The following KIRREL3 variants were observed in gnomAD, a reference collection of about 807,000 sequenced individuals.
KIRREL3 encodes the protein kirre like nephrin family adhesion molecule 3, also known as kin of IRRE-like protein 3.
KIRREL3 carries 36 observed loss-of-function variants against 89.7 expected under a neutral mutation model. The ratio of observed to expected loss-of-function variants is 0.40; its 90% confidence interval spans 0.31 to 0.53. The LOEUF (loss-of-function observed/expected upper bound fraction) is 0.53. Ranked by LOEUF, KIRREL3 falls within the 20% of genes least tolerant of loss-of-function variation. KIRREL3 has a pLI of 0.49. For missense variants in KIRREL3, 864 were observed against 1,056.6 expected (o/e 0.82, Z 2.53); for synonymous variants, 445 against 441.4 (o/e 1.01, Z -0.10).
chr11:126,745,382 G>GA (rs929723433), intron 1 of KIRREL3, among the ~76,000 whole-genome samples: 14 of 145,898 alleles, frequency 9.6e-5, no homozygotes, highest in Non-Finnish European at 1.5e-4. Flanking sequence ...TTCAACATCT[G>GA]AAAAAAAAAG....
intron 4 of KIRREL3, among the ~76,000 whole-genome samples, chr11:126,505,368 G>A (rs1232586636): frequency 1.3e-5 from 2 of 152,144 alleles, no homozygotes; most frequent in African/African-American, 2.4e-5. Context: ...CCAGGAGTTC[G>A]AGACCAGCCT....
Position 126,577,728 on chromosome 11 carries a change from C to T in KIRREL3, c.56-14816G>A, listed in dbSNP as rs1404770091. 5.3e-5 allele frequency among the ~76,000 whole-genome samples: 8 copies of T among 151,630 alleles called. No individual in the cohort carries two copies. In the East Asian group the frequency reaches 1.4e-3, roughly 26 times the overall value. On this transcript the variant is annotated intron_variant, in intron 1 of 16. Coordinates refer to ENST00000525144, the MANE Select transcript of KIRREL3 (RefSeq NM_032531.4). ...AGTGAGCTGAGATTGTGCCACTGCA[C>T]TCCAGCCTAGGCAACAGAGTAAGAC...
Position 127,000,122 on chromosome 11 carries a change from G to T in KIRREL3, c.55+333C>A, listed in dbSNP as rs1950279983. On this transcript the variant is annotated intron_variant, in intron 1 of 16. Coordinates refer to ENST00000525144, the MANE Select transcript of KIRREL3 (RefSeq NM_032531.4). The surrounding 1 kb of genome is among the most constrained non-coding windows in gnomAD (Gnocchi z 7.1). Reference sequence around the variant, plus strand: ...AGGAGAGGAGGTGCCCAGAAGTTCAGAGCGGCATAACCACAGAGATACTAC... The same window carrying T: ...AGGAGAGGAGGTGCCCAGAAGTTCATAGCGGCATAACCACAGAGATACTAC... Among the ~76,000 whole-genome samples, 1 of 152,104 alleles carries T rather than the reference G, an allele frequency of 6.6e-6. No individual in the cohort carries two copies. The highest frequency in any genetic ancestry group is 1.5e-5 in the Non-Finnish European group (1 of 68,036).
rs1156684995 is a variant in KIRREL3, at chr11:126,558,183, C to A, written c.133+4652G>T. On this transcript the variant is annotated intron_variant, in intron 2 of 16. Coordinates refer to ENST00000525144, the MANE Select transcript of KIRREL3 (RefSeq NM_032531.4). The surrounding 1 kb of genome is among the most constrained non-coding windows in gnomAD (Gnocchi z 4.0). ...ATGGCTGAAGGGGAGGTCAAAACTT[C>A]GGTGCCTCTGCTTCTTCCCTCCTTT... Among the ~76,000 whole-genome samples the A allele has an allele frequency of 6.6e-6, 1 of 152,146 alleles. No homozygotes were observed. The highest frequency in any genetic ancestry group is 2.4e-5 in the African/African-American group (1 of 41,424).
intron 1 of KIRREL3, among the ~76,000 whole-genome samples, chr11:126,660,782 A>T (rs1055280230): frequency 5.3e-5 from 8 of 152,226 alleles, no homozygotes; most frequent in African/African-American, 1.9e-4. Flanking sequence ...AGGCTTGGTT[A>T]GTAAAGGATG....
chr11:126,750,057 G>A lies in KIRREL3; in HGVS notation c.56-187145C>T, dbSNP rs180734661. On this transcript the variant is annotated intron_variant, in intron 1 of 16. Transcript: ENST00000525144. The surrounding 1 kb of genome is among the most constrained non-coding windows in gnomAD (Gnocchi z 4.2). ...AGTTTAGTTTCCTCATCTGTAAAATGCAGGCTGTGCTACTTAAATGGGGGC... is the reference window on the plus strand; with the variant it reads ...AGTTTAGTTTCCTCATCTGTAAAATACAGGCTGTGCTACTTAAATGGGGGC... Among the ~76,000 whole-genome samples the A allele has an allele frequency of 4.7e-4, 72 of 152,316 alleles. No individual in the cohort carries two copies. The highest frequency in any genetic ancestry group is 8.7e-4 in the Non-Finnish European group (59 of 68,026).
Position 126,666,851 on chromosome 11 carries a change from T to G in KIRREL3, c.56-103939A>C, listed in dbSNP as rs1945686157. 6.6e-6 allele frequency among the ~76,000 whole-genome samples: 1 copy of G among 152,208 alleles called. No individual in the cohort carries two copies. The highest frequency in any genetic ancestry group is 1.5e-5 in the Non-Finnish European group (1 of 68,040). ...ATTGCTGGTACAGGTATATTCATTT[T>G]GGGTCTGGGATGGATACAGGTTTGA... On this transcript the variant is annotated intron_variant, in intron 1 of 16. Transcript: ENST00000525144. This position sits in a 1 kb window ranked among gnomAD's most constrained non-coding sequence, Gnocchi z 4.2.
intron 1 of KIRREL3, among the ~76,000 whole-genome samples, chr11:126,767,703 A>G (rs560140099): frequency 6.6e-6 from 1 of 152,260 alleles, no homozygotes; most frequent in East Asian, 1.9e-4. Flanking sequence ...CAGTCAGCGG[A>G]TATCTATTGA....
rs895870126 is a variant in KIRREL3, at chr11:126,486,345, A to G, written c.434-12879T>C. ...AAGGGGTGAGTAGGGCTGGGGCAGG[A>G]AGGCCAGTGTGTGGTGCTGGGTGGC... On this transcript the variant is annotated intron_variant, in intron 4 of 16. Transcript: ENST00000525144. This position sits in a 1 kb window ranked among gnomAD's most constrained non-coding sequence, Gnocchi z 6.2. Among the ~76,000 whole-genome samples, 8 of 152,088 alleles carry G rather than the reference A, an allele frequency of 5.3e-5. No homozygotes were observed. The highest frequency in any genetic ancestry group is 1.7e-4 in the African/African-American group (7 of 41,406).
Position 126,564,326 on chromosome 11 carries a change from A to T in KIRREL3, c.56-1414T>A, listed in dbSNP as rs1429363236. 6.6e-6 allele frequency among the ~76,000 whole-genome samples: 1 copy of T among 152,206 alleles called. No individual in the cohort carries two copies. The highest frequency in any genetic ancestry group is 1.5e-5 in the Non-Finnish European group (1 of 68,034). ...AGGTCCACCCACCAAGCATAGCAGG[A>T]TGAAAGAGAGTGCAGGGCCCATGAG... On this transcript the variant is annotated intron_variant, in intron 1 of 16. Transcript: ENST00000525144. This position sits in a 1 kb window ranked among gnomAD's most constrained non-coding sequence, Gnocchi z 7.4.
In KIRREL3 at chr11:126,666,078, T is replaced by G. The variant is rs1945650780; in HGVS notation, c.56-103166A>C. On this transcript the variant is annotated intron_variant, in intron 1 of 16. Transcript: ENST00000525144. The surrounding 1 kb of genome is among the most constrained non-coding windows in gnomAD (Gnocchi z 4.2). ...TGAAGGCGCTCCTCGGAGATTCTGA[T>G]TTGCATCCATGGTTCAGAACCACTT... 6.6e-6 allele frequency among the ~76,000 whole-genome samples: 1 copy of G among 152,226 alleles called. No homozygotes were observed. The highest frequency in any genetic ancestry group is 2.4e-5 in the African/African-American group (1 of 41,462).
chr11:126,876,618 A>T lies in KIRREL3; in HGVS notation c.55+123837T>A, dbSNP rs1592265494. Among the ~76,000 whole-genome samples, 6 of 150,656 alleles carry T rather than the reference A, an allele frequency of 4.0e-5. No individual in the cohort carries two copies. Among genetic ancestry groups the T allele is most frequent in the Admixed American group, 4.0e-4 (6 of 15,072 alleles). The stretch of plus-strand genomic sequence containing the variant: ...AGCGGTGCGACCTTGGCCCACTGCA[A>T]CCTCCACCTCCAGGGTTCAAGCAAT... On this transcript the variant is annotated intron_variant, in intron 1 of 16. Coordinates refer to ENST00000525144, the MANE Select transcript of KIRREL3 (RefSeq NM_032531.4). This position sits in a 1 kb window ranked among gnomAD's most constrained non-coding sequence, Gnocchi z 4.1.
intron 1 of KIRREL3, among the ~76,000 whole-genome samples, chr11:126,829,143 G>A (rs774389125): frequency 6.6e-6 from 1 of 152,178 alleles, no homozygotes; most frequent in Non-Finnish European, 1.5e-5. Flanking sequence ...GCTGGCGAAG[G>A]CTCCAAGGTG....
chr11:126,746,654 C>T (rs2134234514), intron 1 of KIRREL3, among the ~76,000 whole-genome samples: 1 of 152,308 alleles, frequency 6.6e-6, no homozygotes, highest in East Asian at 1.9e-4. Flanking sequence ...CTCACCTAAC[C>T]ACACCCTGAT....
In KIRREL3 at chr11:126,484,075, C is replaced by A. The variant is rs1288225820; in HGVS notation, c.434-10609G>T. On this transcript the variant is annotated intron_variant, in intron 4 of 16. Transcript: ENST00000525144. This position sits in a 1 kb window ranked among gnomAD's most constrained non-coding sequence, Gnocchi z 5.2. Reference sequence around the variant, plus strand: ...CTTGAGGGCTGGTCCTTGCCAAATTCTCTCTCTAGTACTTAGTACAGTGCC... The same window carrying A: ...CTTGAGGGCTGGTCCTTGCCAAATTATCTCTCTAGTACTTAGTACAGTGCC... 6.6e-6 allele frequency among the ~76,000 whole-genome samples: 1 copy of A among 152,186 alleles called. No individual in the cohort carries two copies. Among genetic ancestry groups the A allele is most frequent in the African/African-American group, 2.4e-5 (1 of 41,442 alleles).
Position 126,924,638 on chromosome 11 carries a change from G to A in KIRREL3, c.55+75817C>T, listed in dbSNP as rs1219681035. ...AAAGGCAGGGCTGTTGGGGGATTTG[G>A]AAGAAGTGTTAAAGAAAAAGGAGCA... On this transcript the variant is annotated intron_variant, in intron 1 of 16. Coordinates refer to ENST00000525144, the MANE Select transcript of KIRREL3 (RefSeq NM_032531.4). The surrounding 1 kb of genome is among the most constrained non-coding windows in gnomAD (Gnocchi z 4.7). Among the ~76,000 whole-genome samples the A allele has an allele frequency of 6.6e-6, 1 of 152,090 alleles. No individual in the cohort carries two copies. The highest frequency in any genetic ancestry group is 2.4e-5 in the African/African-American group (1 of 41,424).
In KIRREL3 at chr11:126,764,942, G is replaced by A. The variant is rs1245928526; in HGVS notation, c.56-202030C>T. On this transcript the variant is annotated intron_variant, in intron 1 of 16. Coordinates refer to ENST00000525144, the MANE Select transcript of KIRREL3 (RefSeq NM_032531.4). The surrounding 1 kb of genome is among the most constrained non-coding windows in gnomAD (Gnocchi z 4.2). ...ATATCTCAGCTCTGGTTTTTCAAGT[G>A]CAAGGGTTATTTGCTATATTTTGGA... 6.6e-6 allele frequency among the ~76,000 whole-genome samples: 1 copy of A among 152,146 alleles called. No homozygotes were observed. Among genetic ancestry groups the A allele is most frequent in the Non-Finnish European group, 1.5e-5 (1 of 68,026 alleles).
chr11:126,443,342 C>T lies in KIRREL3; in HGVS notation c.1252+1637G>A, dbSNP rs752987782. On this transcript the variant is annotated intron_variant, in intron 10 of 16. Transcript: ENST00000525144. The surrounding 1 kb of genome is among the most constrained non-coding windows in gnomAD (Gnocchi z 7.3). Reference sequence around the variant, plus strand: ...TTCACTGGGGCCTGGAGCTCTGAGCCGAGTGTCAGACACCTGCGCTGAAAG... The same window carrying T: ...TTCACTGGGGCCTGGAGCTCTGAGCTGAGTGTCAGACACCTGCGCTGAAAG... Among the ~76,000 whole-genome samples, 3 of 152,274 alleles carry T rather than the reference C, an allele frequency of 2.0e-5. No homozygotes were observed. The highest frequency in any genetic ancestry group is 1.9e-4 in the East Asian group (1 of 5,178).
Position 126,892,443 on chromosome 11 carries a change from A to G in KIRREL3, c.55+108012T>C, listed in dbSNP as rs1214189536. On this transcript the variant is annotated intron_variant, in intron 1 of 16. Transcript: ENST00000525144. The surrounding 1 kb of genome is among the most constrained non-coding windows in gnomAD (Gnocchi z 5.4). ...ATATGCTCAGGAGGGGCCCTGGGAGAGGCACAAGTGGCAGCTTTTTTTTCT... is the reference window on the plus strand; with the variant it reads ...ATATGCTCAGGAGGGGCCCTGGGAGGGGCACAAGTGGCAGCTTTTTTTTCT... 1.3e-5 allele frequency among the ~76,000 whole-genome samples: 2 copies of G among 152,132 alleles called. No homozygotes were observed. Among genetic ancestry groups the G allele is most frequent in the Non-Finnish European group, 2.9e-5 (2 of 68,026 alleles).
Sources: allele counts gnomAD v4.1 joint callset (sites outside exome capture counted in the v4.1 genomes callset), GRCh38; gene constraint gnomAD v4.1.1; non-coding constraint Gnocchi (gnomAD v3.1); transcripts MANE v1.5; gene names NCBI Gene and HGNC (gene_info 2026-07-23, HGNC 2026-07-21).